The following MACROD2 variants were observed in gnomAD, a reference collection of about 807,000 sequenced individuals.
MACROD2 encodes mono-ADP ribosylhydrolase 2, also known as ADP-ribose glycohydrolase MACROD2.
MACROD2 carries 36 observed loss-of-function variants against 70.4 expected under a neutral mutation model. The observed-to-expected ratio is 0.51, with a 90% CI of 0.39 to 0.68. The LOEUF is 0.68. MACROD2 is among the 30% of genes least tolerant of loss of function. The probability of loss-of-function intolerance (pLI) is 0.00; values close to 1 mark genes in which losing one functional copy is unlikely to be tolerated. For synonymous variants in MACROD2, 172 were observed against 178.8 expected, an observed-to-expected ratio of 0.96 and a Z score of 0.30; for missense variants, 496 against 538.4, an observed-to-expected ratio of 0.92 and a Z score of 0.78.
At chr20:14,936,850 T>C (rs1352383996) in intron 5 of MACROD2, among the ~76,000 whole-genome samples, 1 of 152,168 alleles carries the variant, frequency 6.6e-6, no homozygotes, top group Non-Finnish European at 1.5e-5. Context: ...AGAGAAACCA[T>C]GCTCTTCTCC....
At chr20:15,477,844 G>C (rs1318927724) in intron 7 of MACROD2, among the ~76,000 whole-genome samples, 1 of 152,204 alleles carries the variant, frequency 6.6e-6, no homozygotes, top group African/African-American at 2.4e-5. Context: ...CTTATATGAG[G>C]AAGGCAGGAG....
chr20:14,106,260 C>CA (rs939696899), intron 3 of MACROD2, among the ~76,000 whole-genome samples: 4 of 152,122 alleles, frequency 2.6e-5, no homozygotes, highest in Admixed American at 2.6e-4. Flanking sequence ...GGTAGCCTGA[C>CA]AGAACCCCAC....
In MACROD2 at chr20:14,532,304, C is replaced by T. The variant is rs191169980; in HGVS notation, c.301+38796C>T. On this transcript the variant is annotated intron_variant, in intron 4 of 17. Coordinates refer to ENST00000684519, the MANE Select transcript of MACROD2 (RefSeq NM_001351661.2). ...CGCAATCTCGGCTCACTGCAACCTC[C>T]GCCTCCCGGGTTCAGCCATTCTCCT... Among the ~76,000 whole-genome samples the T allele has an allele frequency of 7.7e-4, 116 of 151,204 alleles. 2 individuals are homozygous for T. The South Asian group carries it at 0.014, about 18-fold the overall frequency.
At chr20:14,619,024 G>A (rs1254996335) in intron 4 of MACROD2, among the ~76,000 whole-genome samples, 1 of 152,030 alleles carries the variant, frequency 6.6e-6, no homozygotes, top group Non-Finnish European at 1.5e-5. Flanking sequence ...TCATAGAGAT[G>A]TAATAAATGA....
intron 5 of MACROD2, among the ~76,000 whole-genome samples, chr20:15,118,196 A>ATTTTTT (rs35217480): frequency 2.3e-4 from 34 of 146,118 alleles, no homozygotes; most frequent in African/African-American, 7.0e-4. Context: ...TTAATTTTAA[A>ATTTTTT]TTTTTTTTTT....
chr20:14,815,053 T>C (rs2072758307), intron 5 of MACROD2, among the ~76,000 whole-genome samples: 1 of 152,076 alleles, frequency 6.6e-6, no homozygotes, highest in Non-Finnish European at 1.5e-5. Context: ...TTCAATGTAG[T>C]AGTCAACTCC....
intron 5 of MACROD2, among the ~76,000 whole-genome samples, chr20:15,095,288 G>A (rs1244452920): frequency 6.6e-6 from 1 of 151,512 alleles, no homozygotes; most frequent in Non-Finnish European, 1.5e-5. Context: ...TGTTAGCTAG[G>A]ATGGTCTCAA....
chr20:15,974,607 A>T (rs1286127851), intron 13 of MACROD2, among the ~76,000 whole-genome samples: 3 of 152,122 alleles, frequency 2.0e-5, no homozygotes, highest in Non-Finnish European at 2.9e-5. Context: ...ACATTTCATT[A>T]TACATTGCCA....
At chr20:14,823,930 T>C (rs1202907540) in intron 5 of MACROD2, among the ~76,000 whole-genome samples, 1 of 152,134 alleles carries the variant, frequency 6.6e-6, no homozygotes, top group South Asian at 2.1e-4. Flanking sequence ...CTTACATTGC[T>C]TGTTGACAGA....
intron 3 of MACROD2, among the ~76,000 whole-genome samples, chr20:14,348,001 C>T (rs560370298): frequency 2.2e-4 from 34 of 152,104 alleles, no homozygotes; most frequent in Admixed American, 2.0e-3. Context: ...GTGGCTTACA[C>T]CTGTAATCCC....
At chr20:15,150,820 TG>T (rs2076264021) in intron 5 of MACROD2, among the ~76,000 whole-genome samples, 1 of 151,728 alleles carries the variant, frequency 6.6e-6, no homozygotes, top group Non-Finnish European at 1.5e-5. Context: ...ACTGAGCAGG[TG>T]GGGATAACTA....
At chr20:15,960,668 A>G (rs911989313) in intron 12 of MACROD2, among the ~76,000 whole-genome samples, 1 of 152,154 alleles carries the variant, frequency 6.6e-6, no homozygotes, top group Non-Finnish European at 1.5e-5. Context: ...AGATGTATAG[A>G]GTGCATTCAG....
chr20:14,412,140 C>T (rs1179979930), intron 3 of MACROD2, among the ~76,000 whole-genome samples: 4 of 152,174 alleles, frequency 2.6e-5, no homozygotes, highest in African/African-American at 9.6e-5. Context: ...TCTCTGCCCG[C>T]ACTTTCTGTT....
At chr20:15,431,601 T>A (rs984575017) in intron 7 of MACROD2, among the ~76,000 whole-genome samples, 166 bp downstream of exon 7, 1 of 152,044 alleles carries the variant, frequency 6.6e-6, no homozygotes, top group Non-Finnish European at 1.5e-5. Context: ...GCTATTCAGA[T>A]TCTTTTGGGT....
intron 2 of MACROD2, among the ~76,000 whole-genome samples, chr20:14,079,473 CT>C (rs922110137): frequency 5.3e-5 from 8 of 152,086 alleles, no homozygotes; most frequent in African/African-American, 1.7e-4. Context: ...TTTAAGGAGA[CT>C]TTTTTTCTGT....
At chr20:15,711,303 C>CT (rs1358611925) in intron 8 of MACROD2, among the ~76,000 whole-genome samples, 1 of 152,176 alleles carries the variant, frequency 6.6e-6, no homozygotes, top group East Asian at 1.9e-4. Context: ...CCAGTAATTT[C>CT]TTATCTCGTG....
At chr20:14,265,119 C>A (rs201087697) in intron 3 of MACROD2, among the ~76,000 whole-genome samples, 5 of 152,302 alleles carry the variant, frequency 3.3e-5, no homozygotes, top group East Asian at 3.9e-4. Context: ...TAGTTCTTGT[C>A]TCTTCATTCC....
intron 5 of MACROD2, among the ~76,000 whole-genome samples, chr20:14,940,476 C>A (rs2074380882): frequency 6.6e-6 from 1 of 152,132 alleles, no homozygotes; most frequent in African/African-American, 2.4e-5. Context: ...TTGTCTTGTT[C>A]TAGATCTTAG....
intron 8 of MACROD2, among the ~76,000 whole-genome samples, chr20:15,805,520 A>G (rs1600920222): frequency 6.7e-6 from 1 of 150,008 alleles, no homozygotes. Flanking sequence ...CTTTTTGCCC[A>G]GGCTGGAGTG....
Sources: gnomAD v4.1 joint callset for allele counts (sites outside exome capture counted in the v4.1 genomes callset) on GRCh38, gnomAD v4.1.1 for gene constraint, MANE v1.5 for transcripts, NCBI Gene and HGNC (gene_info 2026-07-23, HGNC 2026-07-21) for gene names.